TBC1D5: variants seen among roughly 807,000 people sequenced by gnomAD.
TBC1D5 encodes the protein TBC1 domain family, member 5.
TBC1D5 carries 75 observed loss-of-function variants against 100.3 expected under a neutral mutation model. That is an observed-to-expected ratio of 0.75 (90% confidence interval 0.62 to 0.91). TBC1D5 has a LOEUF of 0.91. Among genes scored for constraint, TBC1D5 ranks in the 40% least tolerant of loss-of-function variants. The pLI is 0.00. For synonymous variants in TBC1D5, 323 were observed against 325.6 expected (o/e 0.99, Z 0.09); for missense variants, 910 against 942.4 (o/e 0.97, Z 0.45).
chr3:17,615,244 G>A (rs183235188), intron 2 of TBC1D5, among the ~76,000 whole-genome samples: 17 of 152,276 alleles, frequency 1.1e-4, no homozygotes, highest in African/African-American at 2.9e-4. Context: ...TGACCTGATC[G>A]TGGTGGATAA....
chr3:17,484,754 G>T (rs1489119454), intron 3 of TBC1D5, among the ~76,000 whole-genome samples: 1 of 151,966 alleles, frequency 6.6e-6, no homozygotes, highest in Non-Finnish European at 1.5e-5. Context: ...AAAATAGTAG[G>T]ATTACAGGCA....
At chr3:17,240,853 T>C (rs1232570503) in intron 16 of TBC1D5, among the ~76,000 whole-genome samples, 1 of 152,102 alleles carries the variant, frequency 6.6e-6, no homozygotes, top group Non-Finnish European at 1.5e-5. Context: ...TTGATAAAAG[T>C]ACTAAGAAAC....
At position 17,347,953 on chromosome 3, in the gene TBC1D5, C is replaced by T. The variant is rs542757698; in HGVS notation, c.995+24122G>A. Among the ~76,000 whole-genome samples, 416 of 152,204 alleles carry T rather than the reference C, an allele frequency of 2.7e-3. 1 individual carries two copies. Among genetic ancestry groups the T allele is most frequent in the Non-Finnish European group, 4.1e-3 (276 of 67,994 alleles). On this transcript the variant is annotated intron_variant, in intron 13 of 21. Transcript: ENST00000253692. ...AGGAGCTGGAGGCTGCAGTGAGCTA[C>T]GATCACATCACTGCACTCCAGCCTG...
intron 2 of TBC1D5, among the ~76,000 whole-genome samples, chr3:17,616,784 C>T (rs1273439847): frequency 2.6e-5 from 4 of 152,102 alleles, no homozygotes; most frequent in South Asian, 4.1e-4. Context: ...ATGTGTGTCT[C>T]TGCACCTGAG....
intron 1 of TBC1D5, among the ~76,000 whole-genome samples, chr3:17,682,624 C>A (rs1390950515): frequency 1.3e-5 from 2 of 149,238 alleles, no homozygotes; most frequent in African/African-American, 5.1e-5. Context: ...GGTACCACCA[C>A]AGGTCCCCAT....
intron 3 of TBC1D5, among the ~76,000 whole-genome samples, chr3:17,439,095 GA>G (rs960596402): frequency 6.6e-6 from 1 of 152,000 alleles, no homozygotes; most frequent in Non-Finnish European, 1.5e-5. Flanking sequence ...TTTTTCTAGA[GA>G]AAAGAATCCT....
At chr3:17,245,555 GTGTT>G (rs1376124546) in intron 16 of TBC1D5, among the ~76,000 whole-genome samples, 1 of 152,190 alleles carries the variant, frequency 6.6e-6, no homozygotes, top group Admixed American at 6.5e-5. Context: ...AAAAGGAGTA[GTGTT>G]TGTTAGGAAT....
intron 1 of TBC1D5, among the ~76,000 whole-genome samples, chr3:17,720,191 C>G (rs2075578289): frequency 6.6e-6 from 1 of 152,136 alleles, no homozygotes; most frequent in Non-Finnish European, 1.5e-5. Flanking sequence ...GATCCTGCAA[C>G]TTTTTAAAAG....
intron 17 of TBC1D5, among the ~76,000 whole-genome samples, chr3:17,226,552 C>T (rs1333541407): frequency 6.6e-6 from 1 of 152,056 alleles, no homozygotes; most frequent in Non-Finnish European, 1.5e-5. Flanking sequence ...CAAGGTCATG[C>T]CCCTTACCTG....
At chr3:17,533,693 G>A (rs182644710) in intron 2 of TBC1D5, among the ~76,000 whole-genome samples, 61 of 152,254 alleles carry the variant, frequency 4.0e-4, no homozygotes, top group East Asian at 2.1e-3. Context: ...GTTCAGCTAC[G>A]AATGTGAATT....
intron 14 of TBC1D5, among the ~76,000 whole-genome samples, chr3:17,302,427 G>T (rs556657680): frequency 6.6e-6 from 1 of 152,102 alleles, no homozygotes; most frequent in Non-Finnish European, 1.5e-5. Flanking sequence ...CCCAAATTAG[G>T]TCACGTTCTC....
intron 18 of TBC1D5, among the ~76,000 whole-genome samples, chr3:17,190,061 A>G (rs1389518939): frequency 2.6e-5 from 4 of 152,254 alleles, no homozygotes; most frequent in Non-Finnish European, 5.9e-5. Context: ...TCAGCTGTTT[A>G]AATTTAATAT....
At chr3:17,303,070 A>T (rs1402770826) in intron 14 of TBC1D5, among the ~76,000 whole-genome samples, 1 of 152,148 alleles carries the variant, frequency 6.6e-6, no homozygotes, top group Non-Finnish European at 1.5e-5. Flanking sequence ...CTGACCTCCC[A>T]TGCAACTCTG....
At chr3:17,248,404 A>T (rs1260260980) in intron 16 of TBC1D5, among the ~76,000 whole-genome samples, 1 of 152,222 alleles carries the variant, frequency 6.6e-6, no homozygotes, top group Admixed American at 6.5e-5. Flanking sequence ...CCCATGAATC[A>T]TGAATGTTCT....
At chr3:17,663,240 GAAC>G (rs1385971812) in intron 1 of TBC1D5, 7 of 148,764 alleles carry the variant, frequency 4.7e-5, no homozygotes, top group African/African-American at 1.2e-4. Context: ...TTTTTATGTA[GAAC>G]AATATATATT....
At chr3:17,185,236 A>AT (rs756406014) in intron 18 of TBC1D5, 28 bp from the exon 20 acceptor site, 14 of 1,587,250 alleles carry the variant, frequency 8.8e-6, no homozygotes, top group Non-Finnish European at 1.2e-5. Context: ...ACATATGGAA[A>AT]TTTTTTAGAG....
At chr3:17,374,938 T>C (rs1202694619) in intron 10 of TBC1D5, among the ~76,000 whole-genome samples, 1 of 152,172 alleles carries the variant, frequency 6.6e-6, no homozygotes, top group African/African-American at 2.4e-5. Context: ...AATTTGACAA[T>C]ATATTCCTTG....
intron 16 of TBC1D5, among the ~76,000 whole-genome samples, chr3:17,251,345 A>G (rs1428777794): frequency 6.6e-6 from 1 of 150,848 alleles, no homozygotes; most frequent in Non-Finnish European, 1.5e-5. Flanking sequence ...TTTGGAGGCT[A>G]TTAAAGAGTT....
chr3:17,235,058 A>G (rs568752040), intron 17 of TBC1D5, among the ~76,000 whole-genome samples: 2 of 152,242 alleles, frequency 1.3e-5, no homozygotes, highest in African/African-American at 4.8e-5. Context: ...GAGATTTTCA[A>G]TTCTGTGCCT....
Sources: allele counts gnomAD v4.1 joint callset (sites outside exome capture counted in the v4.1 genomes callset), GRCh38; gene constraint gnomAD v4.1.1; transcripts MANE v1.5; gene names NCBI Gene and HGNC (gene_info 2026-07-23, HGNC 2026-07-21).